MBNL1: variants seen among roughly 807,000 people sequenced by gnomAD.
MBNL1 encodes muscleblind like splicing regulator 1.
In MBNL1, 8 loss-of-function variants were observed where a neutral mutation model predicts 42.2. The ratio of observed to expected loss-of-function variants is 0.19; its 90% CI spans 0.11 to 0.34. The LOEUF is 0.34. MBNL1 is among the 10% of genes least tolerant of loss of function. MBNL1 has a pLI of 1.00. For missense variants in MBNL1, 309 were observed against 495.3 expected, an observed-to-expected ratio of 0.62 and a Z score of 3.57; for synonymous variants, 169 against 173.9, an observed-to-expected ratio of 0.97 and a Z score of 0.22.
chr3:152,319,269 T>C (rs1365809772), intron 2 of MBNL1, among the ~76,000 whole-genome samples: 2 of 152,168 alleles, frequency 1.3e-5, no homozygotes, highest in Non-Finnish European at 2.9e-5. Context: ...GATTTTTTCC[T>C]TTGTCACTTT....
Position 152,268,957 on chromosome 3 carries a change from T to G in MBNL1, c.-925T>G, listed in dbSNP as rs915630364. ...CTTTTCACTGCAGCTGAATGAGTTG[T>G]GGCGCCCACAATGCTCCCATGACAA... On this transcript the variant is annotated 5_prime_UTR_variant, in exon 1 of 10. Transcript: ENST00000324210. 1 of 456,134 alleles carries G rather than the reference T, an allele frequency of 2.2e-6. No individual in the cohort carries two copies. The allele number at this position is 456,134 out of a possible 1,614,324, so 28.3% of individuals were successfully genotyped here.
In MBNL1 at chr3:152,325,197, A is replaced by G. The variant is rs1205764557; in HGVS notation, c.174+24830A>G. Among the ~76,000 whole-genome samples the G allele has an allele frequency of 3.4e-5, 5 of 148,550 alleles. No individual in the cohort carries two copies. In the East Asian group the frequency reaches 7.9e-4, roughly 24 times the overall value. ...TTTTGCAGACCTTTTCCATGTTTAT[A>G]TATGGCTCATACATTCCCTCCTCTA... On this transcript the variant is annotated intron_variant, in intron 2 of 9. Transcript: ENST00000324210.
chr3:152,459,359 G>T lies in MBNL1; in HGVS notation c.*18+14G>T. The T allele has an allele frequency of 7.1e-7, 1 of 1,399,214 alleles. No homozygotes were observed. Among genetic ancestry groups the T allele is most frequent in the Non-Finnish European group, 9.8e-7 (1 of 1,019,196 alleles). The allele number at this position is 1,399,214 out of a possible 1,614,324, so 86.7% of individuals were successfully genotyped here. On this transcript the variant is annotated intron_variant, in intron 9 of 9. Coordinates refer to ENST00000324210, the MANE Select transcript of MBNL1 (RefSeq NM_021038.5). ...CATCACTAAACAGTAAGTTCATTAT[G>T]TAATATATAGTTGCATATTTGTGGT...
chr3:152,453,840 A>G (rs1245085429), intron 6 of MBNL1, among the ~76,000 whole-genome samples: 1 of 152,228 alleles, frequency 6.6e-6, no homozygotes, highest in African/African-American at 2.4e-5. Context: ...TTAATTATGC[A>G]TGGGATGAAA....
intron 2 of MBNL1, among the ~76,000 whole-genome samples, chr3:152,381,538 GTGTC>G (rs1203205731): frequency 3.3e-5 from 5 of 151,832 alleles, no homozygotes; most frequent in Non-Finnish European, 5.9e-5. Context: ...ATAGATAAAT[GTGTC>G]TGTGTCGTTT....
At chr3:152,316,464 A>C (rs1261342578) in intron 2 of MBNL1, among the ~76,000 whole-genome samples, 1 of 152,120 alleles carries the variant, frequency 6.6e-6, no homozygotes, top group Non-Finnish European at 1.5e-5. Flanking sequence ...ACTGTGTGCA[A>C]ATAGCTTCTC....
intron 2 of MBNL1, among the ~76,000 whole-genome samples, chr3:152,352,643 TC>T (rs897564048): frequency 2.0e-5 from 3 of 152,118 alleles, no homozygotes; most frequent in Non-Finnish European, 4.4e-5. Context: ...CCTTTTAGAC[TC>T]AATACCGGAG....
chr3:152,389,100 T>C (rs2153457894), intron 2 of MBNL1, among the ~76,000 whole-genome samples: 1 of 152,302 alleles, frequency 6.6e-6, no homozygotes, highest in African/African-American at 2.4e-5. Flanking sequence ...CATCTCTTTT[T>C]TTTTTGAGAT....
intron 4 of MBNL1, among the ~76,000 whole-genome samples, chr3:152,438,375 A>G (rs935196225): frequency 2.0e-5 from 3 of 152,250 alleles, no homozygotes; most frequent in Non-Finnish European, 4.4e-5. Context: ...TCAGTCAACC[A>G]GTTACTCAGG....
At chr3:152,341,194 T>C (rs867170667) in intron 2 of MBNL1, among the ~76,000 whole-genome samples, 15 of 152,206 alleles carry the variant, frequency 9.9e-5, no homozygotes, top group Admixed American at 2.6e-4. Flanking sequence ...TTAACACTTA[T>C]AGTGAGTTTA....
chr3:152,245,833 C>A (rs1327175421), intron 2 of MBNL1, among the ~76,000 whole-genome samples: 2 of 152,138 alleles, frequency 1.3e-5, no homozygotes, highest in Non-Finnish European at 2.9e-5. Flanking sequence ...TCAAATTTGA[C>A]ATACTTAACT....
intron 2 of MBNL1, among the ~76,000 whole-genome samples, chr3:152,262,265 A>C (rs887696435): frequency 3.3e-5 from 5 of 152,212 alleles, no homozygotes; most frequent in African/African-American, 9.6e-5. Flanking sequence ...CAAAGAGGAA[A>C]GAAGAGAAAA....
intron 5 of MBNL1, 63 bp from the exon 6 acceptor site, chr3:152,447,557 A>AT: frequency 7.1e-7 from 1 of 1,399,720 alleles, no homozygotes; most frequent in South Asian, 1.4e-5. Flanking sequence ...CCTTCGACTG[A>AT]TTTTTCTTTT....
chr3:152,447,882 C>A, intron 6 of MBNL1, 109 bp downstream of exon 6: 1 of 966,294 alleles, frequency 1.0e-6, no homozygotes, highest in Non-Finnish European at 1.5e-6. Context: ...GATGAGGTGT[C>A]AGGTAAGGTG....
chr3:152,277,322 A>G (rs2045837533), intron 1 of MBNL1, among the ~76,000 whole-genome samples: 1 of 152,180 alleles, frequency 6.6e-6, no homozygotes, highest in Non-Finnish European at 1.5e-5. Flanking sequence ...TCTCAATGTC[A>G]ACCAGGCAGT....
chr3:152,321,334 A>G (rs1333687543), intron 2 of MBNL1, among the ~76,000 whole-genome samples: 4 of 152,132 alleles, frequency 2.6e-5, no homozygotes, highest in Non-Finnish European at 4.4e-5. Flanking sequence ...TATGTTACTC[A>G]TTGAGACTTA....
At chr3:152,355,202 ACTCC>A (rs2095425595) in intron 2 of MBNL1, among the ~76,000 whole-genome samples, 1 of 152,098 alleles carries the variant, frequency 6.6e-6, no homozygotes, top group Non-Finnish European at 1.5e-5. Flanking sequence ...TGGTGCTGGG[ACTCC>A]AGAGCCAGGC....
chr3:152,366,010 A>G (rs1330737873), intron 2 of MBNL1, among the ~76,000 whole-genome samples: 2 of 152,156 alleles, frequency 1.3e-5, no homozygotes, highest in African/African-American at 4.8e-5. Flanking sequence ...GAGGAACACA[A>G]TACTGACATT....
chr3:152,457,004 A>AT (rs1480921089), intron 8 of MBNL1, among the ~76,000 whole-genome samples: 5 of 152,198 alleles, frequency 3.3e-5, no homozygotes, highest in African/African-American at 1.2e-4. Flanking sequence ...AAGAAAAGAA[A>AT]TTAAGTATGG....
Sources: gnomAD v4.1 joint callset for allele counts (sites outside exome capture counted in the v4.1 genomes callset) on GRCh38, gnomAD v4.1.1 for gene constraint, MANE v1.5 for transcripts, NCBI Gene and HGNC (gene_info 2026-07-23, HGNC 2026-07-21) for gene names.